Variants in RTL4 observed in about 807,000 individuals in gnomAD.
RTL4 encodes the protein retrotransposon Gag like 4.
Under a neutral mutation model 5.3 loss-of-function variants are expected in RTL4, and 4 were observed. That is an observed-to-expected ratio of 0.75 (90% CI 0.37 to 1.72). The LOEUF (loss-of-function observed/expected upper bound fraction) is 1.72. Among genes scored for constraint, RTL4 ranks in the 40% most tolerant of loss-of-function variants. The pLI is 0.04. For synonymous variants in RTL4, 98 were observed against 87.3 expected, an observed-to-expected ratio of 1.12 and a Z score of -0.68; for missense variants, 260 against 227.1, an observed-to-expected ratio of 1.14 and a Z score of -0.93.
the RTL4 span, among the ~76,000 whole-genome samples, chrX:112,363,773 T>C: frequency 0.014 from 1,597 of 111,057 alleles, 33 homozygotes; most frequent in African/African-American, 0.05. Context: ...ATAAATATGG[T>C]GCACTCTCCA....
At chrX:112,172,078 A>C in the RTL4 span, among the ~76,000 whole-genome samples, 1 of 112,654 alleles carries the variant, frequency 8.9e-6, no homozygotes, top group Non-Finnish European at 1.9e-5. Context: ...TCACGCCTGT[A>C]ATCTCAGCAC....
At chrX:112,190,160 C>CTTTA in the RTL4 span, among the ~76,000 whole-genome samples, 2 of 87,298 alleles carry the variant, frequency 2.3e-5, no homozygotes, top group African/African-American at 8.7e-5. Flanking sequence ...TTCTTTCTTT[C>CTTTA]TTTCTTTCTT....
At chrX:112,300,018 A>G in the RTL4 span, among the ~76,000 whole-genome samples, 1 of 111,444 alleles carries the variant, frequency 9.0e-6, no homozygotes, top group African/African-American at 3.3e-5. Context: ...CTCCCCAGGT[A>G]AAATAATTGG....
At chrX:112,408,137 C>T in the RTL4 span, among the ~76,000 whole-genome samples, 1 of 111,049 alleles carries the variant, frequency 9.0e-6, no homozygotes, top group African/African-American at 3.3e-5. Context: ...GAAACATGAC[C>T]TCACAGAACA....
the RTL4 span, among the ~76,000 whole-genome samples, chrX:112,122,091 G>A: frequency 9.0e-6 from 1 of 111,576 alleles, no homozygotes; most frequent in South Asian, 3.8e-4. Flanking sequence ...TAGTTTATAG[G>A]AAGAAAGGAA....
the RTL4 span, among the ~76,000 whole-genome samples, chrX:112,432,656 G>C: frequency 2.2e-5 from 2 of 89,458 alleles, no homozygotes; most frequent in Non-Finnish European, 4.4e-5. Flanking sequence ...AGTAGGTTGC[G>C]AAAATTTTCT....
the RTL4 span, among the ~76,000 whole-genome samples, chrX:112,099,850 A>G: frequency 1.8e-5 from 2 of 111,972 alleles, no homozygotes; most frequent in Non-Finnish European, 3.8e-5. Context: ...GGTCTGACCT[A>G]AAATAGAAAT....
chrX:112,262,359 C>T, the RTL4 span, among the ~76,000 whole-genome samples: 7 of 111,806 alleles, frequency 6.3e-5, no homozygotes, highest in African/African-American at 9.8e-5. Flanking sequence ...AAAAAACAAA[C>T]GACACAATCA....
the RTL4 span, among the ~76,000 whole-genome samples, chrX:112,215,833 T>C: frequency 1.8e-5 from 2 of 111,723 alleles, no homozygotes; most frequent in Non-Finnish European, 3.8e-5. Flanking sequence ...CTGCATCATA[T>C]GGTAATTCTA....
At chrX:112,087,295 G>T in the RTL4 span, among the ~76,000 whole-genome samples, 1 of 106,476 alleles carries the variant, frequency 9.4e-6, no homozygotes, top group East Asian at 3.0e-4. Flanking sequence ...CTATACTAAT[G>T]TGTTCCCTCT....
the RTL4 span, among the ~76,000 whole-genome samples, chrX:112,223,095 G>T: frequency 1.8e-5 from 2 of 112,348 alleles, no homozygotes; most frequent in African/African-American, 6.5e-5. Context: ...AGGGCCAGGA[G>T]ATCATATTAT....
chrX:112,099,624 G>A, the RTL4 span, among the ~76,000 whole-genome samples: 3 of 111,494 alleles, frequency 2.7e-5, no homozygotes, highest in Non-Finnish European at 5.7e-5. Context: ...GAGTAGGAGA[G>A]AGAGTGTGTC....
At chrX:112,243,632 C>G in the RTL4 span, among the ~76,000 whole-genome samples, 1 of 111,316 alleles carries the variant, frequency 9.0e-6, no homozygotes, top group Non-Finnish European at 1.9e-5. Flanking sequence ...TTTTGTTAAT[C>G]TTTTCAAAAA....
chrX:112,209,582 G>A, the RTL4 span, among the ~76,000 whole-genome samples: 1 of 111,656 alleles, frequency 9.0e-6, no homozygotes, highest in Non-Finnish European at 1.9e-5. Flanking sequence ...GTTGCAGGCT[G>A]GGGAAGAGAA....
the RTL4 span, among the ~76,000 whole-genome samples, chrX:112,270,112 G>A: frequency 9.8e-5 from 11 of 111,912 alleles, no homozygotes; most frequent in Admixed American, 1.9e-4. Flanking sequence ...CAGACCCCTG[G>A]AAAAACTCTC....
chrX:112,367,447 C>A, the RTL4 span, among the ~76,000 whole-genome samples: 52 of 111,700 alleles, frequency 4.7e-4, no homozygotes, highest in Non-Finnish European at 5.1e-4. Context: ...TTAATGATGG[C>A]ATTAAGTCAT....
the RTL4 span, among the ~76,000 whole-genome samples, chrX:112,167,491 T>G: frequency 9.0e-6 from 1 of 111,517 alleles, no homozygotes; most frequent in Non-Finnish European, 1.9e-5. Flanking sequence ...TTTTACTTTT[T>G]GCAGAAACCA....
At chrX:112,113,108 A>G in the RTL4 span, among the ~76,000 whole-genome samples, 1 of 111,628 alleles carries the variant, frequency 9.0e-6, no homozygotes, top group African/African-American at 3.3e-5. Flanking sequence ...GTCTAACAGT[A>G]TCCTGTAATC....
the RTL4 span, among the ~76,000 whole-genome samples, chrX:112,183,140 C>T: frequency 2.6e-4 from 29 of 112,234 alleles, no homozygotes; most frequent in Non-Finnish European, 5.6e-5. Flanking sequence ...ACCAGGCCTG[C>T]CTTACAAGAT....
Sources: gnomAD v4.1 joint callset for allele counts (sites outside exome capture counted in the v4.1 genomes callset) on GRCh38, gnomAD v4.1.1 for gene constraint, MANE v1.5 for transcripts, NCBI Gene and HGNC (gene_info 2026-07-23, HGNC 2026-07-21) for gene names.